SEZ6L: variants seen among roughly 807,000 people sequenced by gnomAD.
SEZ6L encodes the protein seizure related 6 homolog like, also known as seizure 6-like protein.
A neutral mutation model predicts 106.2 loss-of-function variants in SEZ6L; 37 were observed. The observed-to-expected ratio is 0.35, with a 90% CI of 0.27 to 0.46. The LOEUF is 0.46. Among genes scored for constraint, SEZ6L ranks in the 20% least tolerant of loss-of-function variants. The pLI is 1.00. For missense variants in SEZ6L, 1,172 were observed against 1,332.8 expected (o/e 0.88, Z 1.88); for synonymous variants, 541 against 570.4 (o/e 0.95, Z 0.73).
At chr22:26,281,322 T>C (rs1311216067) in intron 1 of SEZ6L, among the ~76,000 whole-genome samples, 1 of 151,962 alleles carries the variant, frequency 6.6e-6, no homozygotes, top group Non-Finnish European at 1.5e-5. Flanking sequence ...GCCTGAATTC[T>C]CAGCCTCCAG....
At chr22:26,344,717 TCAAA>T (rs1466490598) in intron 10 of SEZ6L, among the ~76,000 whole-genome samples, 1 of 152,198 alleles carries the variant, frequency 6.6e-6, no homozygotes, top group East Asian at 1.9e-4. Flanking sequence ...AATATCTCAG[TCAAA>T]CAAACAAACG....
At chr22:26,304,432 A>AAAGAAAG (rs1569454541) in intron 5 of SEZ6L, among the ~76,000 whole-genome samples, 4 of 142,788 alleles carry the variant, frequency 2.8e-5, no homozygotes, top group Admixed American at 7.0e-5. Flanking sequence ...AAGAAAGAAA[A>AAAGAAAG]AGAAAGGAAA....
At chr22:26,221,740 G>GCACA (rs3222745) in intron 1 of SEZ6L, among the ~76,000 whole-genome samples, 17,178 of 149,224 alleles carry the variant, frequency 0.12, 973 homozygotes, top group Non-Finnish European at 0.14. Context: ...GCACACGCGT[G>GCACA]CACACACACA....
intron 5 of SEZ6L, among the ~76,000 whole-genome samples, chr22:26,301,644 C>T (rs1002976526): frequency 6.6e-6 from 1 of 151,254 alleles, no homozygotes; most frequent in East Asian, 1.9e-4. Flanking sequence ...GGGAGGAGGA[C>T]AGTGATGAGC....
At chr22:26,176,578 C>T (rs1245719055) in intron 1 of SEZ6L, among the ~76,000 whole-genome samples, 1 of 152,206 alleles carries the variant, frequency 6.6e-6, no homozygotes, top group Non-Finnish European at 1.5e-5. Context: ...GTAGAGAGGA[C>T]TAAATCAAGT....
chr22:26,369,197 C>G (rs147789724), intron 13 of SEZ6L, among the ~76,000 whole-genome samples: 53 of 151,692 alleles, frequency 3.5e-4, no homozygotes, highest in African/African-American at 1.1e-3. Context: ...AAAGCAGGAC[C>G]CAGGGACCAG....
At chr22:26,355,203 G>A (rs1032676997) in intron 12 of SEZ6L, among the ~76,000 whole-genome samples, 2 of 152,256 alleles carry the variant, frequency 1.3e-5, no homozygotes, top group Non-Finnish European at 2.9e-5. Flanking sequence ...AAATCGCACA[G>A]GTGAATGCCT....
At chr22:26,253,193 G>T (rs2079666596) in intron 1 of SEZ6L, among the ~76,000 whole-genome samples, 1 of 152,152 alleles carries the variant, frequency 6.6e-6, no homozygotes, top group Non-Finnish European at 1.5e-5. Flanking sequence ...TACACATCTG[G>T]CTTTGAACGA....
intron 1 of SEZ6L, among the ~76,000 whole-genome samples, chr22:26,209,270 G>T (rs1353194340): frequency 1.3e-5 from 2 of 152,148 alleles, no homozygotes; most frequent in Non-Finnish European, 2.9e-5. Flanking sequence ...CTGAGCCTGT[G>T]TCAAATTTCC....
intron 1 of SEZ6L, among the ~76,000 whole-genome samples, chr22:26,271,016 G>A (rs548857630): frequency 1.2e-4 from 18 of 152,320 alleles, no homozygotes; most frequent in South Asian, 6.2e-4. Flanking sequence ...AGGATGAAGC[G>A]TGGCCAGTCG....
intron 1 of SEZ6L, among the ~76,000 whole-genome samples, chr22:26,171,704 T>G (rs1472863513): frequency 6.6e-6 from 1 of 152,198 alleles, no homozygotes; most frequent in African/African-American, 2.4e-5. Flanking sequence ...TAAATTGACT[T>G]CAGGTCACCA....
intron 12 of SEZ6L, among the ~76,000 whole-genome samples, chr22:26,352,774 A>T (rs1209008065): frequency 6.6e-6 from 1 of 152,234 alleles, no homozygotes. Flanking sequence ...TGGCAGGAAA[A>T]CAAAAATGGA....
intron 9 of SEZ6L, among the ~76,000 whole-genome samples, chr22:26,318,312 GATCT>G (rs1389474603): frequency 6.6e-6 from 1 of 151,812 alleles, no homozygotes; most frequent in Non-Finnish European, 1.5e-5. Context: ...GACCTCAAGT[GATCT>G]GCCTGCCTCA....
chr22:26,193,365 TG>T (rs1245826914), intron 1 of SEZ6L, among the ~76,000 whole-genome samples: 5 of 152,164 alleles, frequency 3.3e-5, no homozygotes, highest in Admixed American at 3.3e-4. Context: ...TGATGAAGCA[TG>T]TTCCACACAG....
At chr22:26,231,489 G>C (rs2145746069) in intron 1 of SEZ6L, among the ~76,000 whole-genome samples, 1 of 152,286 alleles carries the variant, frequency 6.6e-6, no homozygotes, top group Middle Eastern at 3.4e-3. Flanking sequence ...CCTATGCAGA[G>C]TTTTCTGTTT....
chr22:26,216,268 TG>T (rs2145713881), intron 1 of SEZ6L, among the ~76,000 whole-genome samples: 1 of 152,328 alleles, frequency 6.6e-6, no homozygotes, highest in Admixed American at 6.5e-5. Context: ...CAGTCTTTCC[TG>T]TCTCAGAACT....
At chr22:26,184,586 C>T (rs1288467490) in intron 1 of SEZ6L, among the ~76,000 whole-genome samples, 1 of 152,080 alleles carries the variant, frequency 6.6e-6, no homozygotes, top group Non-Finnish European at 1.5e-5. Context: ...TAGTGCCAGC[C>T]CTCAAGAAAT....
At chr22:26,325,950 C>T (rs1339276088) in intron 9 of SEZ6L, among the ~76,000 whole-genome samples, 1 of 148,742 alleles carries the variant, frequency 6.7e-6, no homozygotes, top group Non-Finnish European at 1.5e-5. Flanking sequence ...CACACACACA[C>T]ACACATTGAT....
At chr22:26,180,912 T>C (rs2123776343) in intron 1 of SEZ6L, among the ~76,000 whole-genome samples, 1 of 152,308 alleles carries the variant, frequency 6.6e-6, no homozygotes, top group Non-Finnish European at 1.5e-5. Context: ...AACAATGTAC[T>C]CAGAGTGAGC....
Sources: gnomAD v4.1 joint callset for allele counts (sites outside exome capture counted in the v4.1 genomes callset) on GRCh38, gnomAD v4.1.1 for gene constraint, MANE v1.5 for transcripts, NCBI Gene and HGNC (gene_info 2026-07-23, HGNC 2026-07-21) for gene names.